The following KIF26B variants were observed in gnomAD, a reference collection of about 807,000 sequenced individuals.
KIF26B encodes kinesin-like protein KIF26B.
A neutral mutation model predicts 151.2 loss-of-function variants in KIF26B; 63 were observed. That is an observed-to-expected ratio of 0.42 (90% confidence interval 0.34 to 0.51). The LOEUF (loss-of-function observed/expected upper bound fraction) is 0.51, where lower values mean the gene tolerates loss of function less well. KIF26B is among the 20% of genes least tolerant of loss of function. The pLI is 0.07. For synonymous variants in KIF26B, 1,357 were observed against 1,262.1 expected (o/e 1.08, Z -1.59); for missense variants, 2,813 against 2,913.6 (o/e 0.97, Z 0.79).
chr1:245,687,281 A>G lies in KIF26B; in HGVS notation c.4298A>G (p.Lys1433Arg), dbSNP rs1293162936. The change falls in exon 12 of 15, where the codon AAA becomes AGA. Residue 1433 changes from lysine to arginine, a missense_variant. Around this residue, in one of 3 missense-constraint regions of KIF26B, gnomAD observed 2,060 missense variants for 2,088.6 expected, o/e 0.99. Transcript: ENST00000407071. The surrounding 1 kb of genome is among the most constrained non-coding windows in gnomAD (Gnocchi z 4.9). ...SRESKENSAK[K>R]EMKFEDPWLK... Reference sequence around the variant, plus strand: ...GAGAGTAAGGAAAACAGTGCAAAGAAAGAGATGAAATTTGAGGACCCGTGG... The same window carrying G: ...GAGAGTAAGGAAAACAGTGCAAAGAGAGAGATGAAATTTGAGGACCCGTGG... The G allele has an allele frequency of 1.9e-6, 3 of 1,610,510 alleles. No homozygotes were observed. Among genetic ancestry groups the G allele is most frequent in the Non-Finnish European group, 2.5e-6 (3 of 1,178,848 alleles).
chr1:245,391,303 A>G (rs1434721141), intron 3 of KIF26B, among the ~76,000 whole-genome samples: 1 of 152,188 alleles, frequency 6.6e-6, no homozygotes, highest in Non-Finnish European at 1.5e-5. Context: ...GTGAAATTTT[A>G]AGAAACTACC....
At chr1:245,384,331 A>G (rs958244926) in intron 3 of KIF26B, among the ~76,000 whole-genome samples, 2 of 152,226 alleles carry the variant, frequency 1.3e-5, no homozygotes, top group African/African-American at 4.8e-5. Context: ...TGTACTTACT[A>G]TATGCCAGGC....
At chr1:245,543,882 A>G (rs1257598400) in intron 5 of KIF26B, among the ~76,000 whole-genome samples, 1 of 152,126 alleles carries the variant, frequency 6.6e-6, no homozygotes, top group African/African-American at 2.4e-5. Context: ...TGGGAGGCAG[A>G]GGTTGCAGTG....
chr1:245,223,474 T>G (rs1448813644), intron 2 of KIF26B, among the ~76,000 whole-genome samples: 2 of 152,208 alleles, frequency 1.3e-5, no homozygotes, highest in Non-Finnish European at 2.9e-5. Flanking sequence ...TACCATTGGC[T>G]TAGAAAATCC....
intron 9 of KIF26B, among the ~76,000 whole-genome samples, chr1:245,634,764 T>A (rs1572170826): frequency 1.3e-5 from 2 of 152,072 alleles, no homozygotes; most frequent in Non-Finnish European, 1.5e-5. Context: ...GGCTGGAGTG[T>A]AGTGGCATGA....
intron 4 of KIF26B, among the ~76,000 whole-genome samples, chr1:245,491,103 T>C (rs903929918): frequency 1.2e-4 from 18 of 152,156 alleles, no homozygotes; most frequent in Admixed American, 6.6e-4. Context: ...GTTTGTCCCA[T>C]GAGAAATCAC....
At position 245,560,404 on chromosome 1, in the gene KIF26B, C is replaced by T. The variant is rs1252712112; in HGVS notation, c.1350+19454C>T. On this transcript the variant is annotated intron_variant, in intron 5 of 14. Transcript: ENST00000407071. The surrounding 1 kb of genome is among the most constrained non-coding windows in gnomAD (Gnocchi z 4.3). ...GACAGCTTGCTATTTTCTTTCTTTC[C>T]TGTGAGATAAAAATGTACCTTATGG... 2.0e-5 allele frequency among the ~76,000 whole-genome samples: 3 copies of T among 152,092 alleles called. No individual in the cohort carries two copies. The highest frequency in any genetic ancestry group is 4.4e-5 in the Non-Finnish European group (3 of 68,024).
intron 4 of KIF26B, among the ~76,000 whole-genome samples, chr1:245,476,497 C>CATTTATTTATTTATTT (rs57100568): frequency 7.7e-5 from 11 of 142,640 alleles, no homozygotes; most frequent in African/African-American, 2.9e-4. Flanking sequence ...TTAAAAGACA[C>CATTTATTTATTTATTT]ATTTATTTAT....
chr1:245,686,826 G>C lies in KIF26B; in HGVS notation c.3843G>C (p.Trp1281Cys), dbSNP rs1433405791. ...GCAGACGCTCTTCCATCAGCTCCTG[G>C]CTGAGCGAGATGAGCGCGGGCAGTG... ...AGSRRSSISS[W>C]LSEMSAGSEG... The change falls in exon 12 of 15, where the codon TGG (tryptophan) becomes TGC (cysteine). Residue 1281 changes from tryptophan (W) to cysteine (C), a missense_variant. Physicochemically the swap from Trp to Cys is radical, Grantham distance 215. Coordinates refer to ENST00000407071, the MANE Select transcript of KIF26B (RefSeq NM_018012.4). The surrounding 1 kb of genome is among the most constrained non-coding windows in gnomAD (Gnocchi z 5.6). 6.2e-7 allele frequency: 1 copy of C among 1,613,498 alleles called. No individual in the cohort carries two copies. The highest frequency in any genetic ancestry group is 2.2e-5 in the East Asian group (1 of 44,888).
At chr1:245,494,573 A>G (rs1276879359) in intron 4 of KIF26B, among the ~76,000 whole-genome samples, 4 of 152,208 alleles carry the variant, frequency 2.6e-5, no homozygotes, top group Non-Finnish European at 4.4e-5. Flanking sequence ...GTTTCAATGA[A>G]AAATGATCAA....
At chr1:245,674,844 A>G (rs902904812) in intron 10 of KIF26B, among the ~76,000 whole-genome samples, 13 of 152,206 alleles carry the variant, frequency 8.5e-5, no homozygotes, top group Non-Finnish European at 8.8e-5. Flanking sequence ...TCAAACATGG[A>G]GAGCACGGCC....
intron 5 of KIF26B, among the ~76,000 whole-genome samples, chr1:245,559,708 A>G (rs1041742738): frequency 7.2e-5 from 11 of 152,074 alleles, no homozygotes; most frequent in Admixed American, 1.3e-4. Context: ...CACCGTGCCC[A>G]GCCTATTTTT....
chr1:245,234,984 C>T (rs956961887), intron 2 of KIF26B, among the ~76,000 whole-genome samples: 5 of 152,054 alleles, frequency 3.3e-5, no homozygotes, highest in Non-Finnish European at 5.9e-5. Flanking sequence ...AGGCAGAGTC[C>T]GTGGGAGAGA....
chr1:245,642,702 TG>T (rs2043906397), intron 9 of KIF26B, among the ~76,000 whole-genome samples: 1 of 152,062 alleles, frequency 6.6e-6, no homozygotes, highest in Non-Finnish European at 1.5e-5. Context: ...GAGCAGAATC[TG>T]GGCCCTCATA....
At chr1:245,298,243 C>T (rs1240717996) in intron 2 of KIF26B, among the ~76,000 whole-genome samples, 1 of 152,136 alleles carries the variant, frequency 6.6e-6, no homozygotes, top group Non-Finnish European at 1.5e-5. Flanking sequence ...TAGGCTCATA[C>T]TATACAAATA....
intron 2 of KIF26B, among the ~76,000 whole-genome samples, chr1:245,261,508 C>T (rs138824680): frequency 2.7e-4 from 29 of 109,232 alleles, no homozygotes; most frequent in African/African-American, 6.5e-4. Context: ...TCTCTCCCTC[C>T]CTCCCTCCCT....
Position 245,668,368 on chromosome 1 carries a change from G to T in KIF26B, c.2259-15865G>T, listed in dbSNP as rs181664021. The stretch of plus-strand genomic sequence containing the variant: ...AAGATGCAAGAATTGTGCAACAATA[G>T]CTACCTTCTTTTCAAACAAAATAAA... On this transcript the variant is annotated intron_variant, in intron 10 of 14. Coordinates refer to ENST00000407071, the MANE Select transcript of KIF26B (RefSeq NM_018012.4). Among the ~76,000 whole-genome samples, 369 of 152,328 alleles carry T rather than the reference G, an allele frequency of 2.4e-3. 1 individual carries two copies. The highest frequency in any genetic ancestry group is 6.8e-3 in the Middle Eastern group (2 of 294).
chr1:245,466,119 A>G (rs1558177456), intron 4 of KIF26B, among the ~76,000 whole-genome samples: 1 of 152,234 alleles, frequency 6.6e-6, no homozygotes, highest in African/African-American at 2.4e-5. Context: ...CAGGGGATCC[A>G]TATACCCCTT....
intron 2 of KIF26B, among the ~76,000 whole-genome samples, chr1:245,360,326 C>A (rs1672790166): frequency 6.6e-6 from 1 of 152,212 alleles, no homozygotes; most frequent in East Asian, 1.9e-4. Context: ...CCTCCTTATC[C>A]TCATCCCAAC....
Sources: gnomAD v4.1 joint callset for allele counts (sites outside exome capture counted in the v4.1 genomes callset) on GRCh38, gnomAD v4.1.1 for gene constraint, gnomAD v4.1.1 regional missense constraint, Gnocchi (gnomAD v3.1) non-coding constraint, MANE v1.5 for transcripts, NCBI Gene and HGNC (gene_info 2026-07-23, HGNC 2026-07-21) for gene names.